AFMID: variants seen among roughly 807,000 people sequenced by gnomAD.
The protein encoded by AFMID is arylformamidase.
AFMID carries 39 observed loss-of-function variants against 47.5 expected under a neutral mutation model. That is an observed-to-expected ratio of 0.82 (90% CI 0.64 to 1.07). The LOEUF (loss-of-function observed/expected upper bound fraction) is 1.07. Ranked by LOEUF, AFMID falls within the 50% of genes least tolerant of loss-of-function variation. The pLI, the probability that AFMID is intolerant of heterozygous loss-of-function variation, is 0.00. For synonymous variants in AFMID, 130 were observed against 153.2 expected, an observed-to-expected ratio of 0.85 and a Z score of 1.12; for missense variants, 375 against 387.5, an observed-to-expected ratio of 0.97 and a Z score of 0.27.
chr17:78,206,607 A>G (rs1048167473), intron 10 of AFMID, among the ~76,000 whole-genome samples: 3 of 151,152 alleles, frequency 2.0e-5, no homozygotes, highest in African/African-American at 4.9e-5. Flanking sequence ...GGGTCTCTCT[A>G]TGTTCCCCAG....
rs964868028 is a variant in AFMID at position 78,204,746 on chromosome 17, TAGG to T, written c.394+8_394+10del. 2 of 1,613,880 alleles carry T rather than the reference TAGG, an allele frequency of 1.2e-6. No homozygotes were observed. The highest frequency in any genetic ancestry group is 1.7e-6 in the Non-Finnish European group (2 of 1,179,992). ...CTTACGGCATCGCCCCCAAAGGTAA[TAGG>T]AGTGGTTGCTGCAGGTCCGAGGGCC... On this transcript the variant is annotated splice_donor_region_variant and intron_variant, in intron 5 of 10. Coordinates refer to ENST00000409257, the MANE Select transcript of AFMID (RefSeq NM_001010982.5).
Position 78,204,864 on chromosome 17 carries a change from G to A in AFMID, c.431G>A (p.Ser144Asn). ...CACATGGTAGACCAGGTGACCCGCA[G>A]CGTTGCGTTTGTCCAGAAGCGGTAT... ...LDHMVDQVTR[S>N]VAFVQKRYPS... is the part of the protein sequence containing the mutation. Residue 144 changes from serine to asparagine, a missense_variant, in exon 6 of 11, where the codon AGC becomes AAC. Physicochemically the swap from Ser to Asn is conservative, Grantham distance 46. Transcript: ENST00000409257. The A allele has an allele frequency of 6.2e-7, 1 of 1,614,236 alleles. No individual in the cohort carries two copies.
At position 78,205,810 on chromosome 17, in the gene AFMID, C is replaced by T. The variant is rs1428388164; in HGVS notation, c.780+72C>T. The T allele has an allele frequency of 2.5e-6, 4 of 1,599,386 alleles. No homozygotes were observed. The Admixed American group carries it at 6.7e-5, about 27-fold the overall frequency. Reference sequence around the variant, plus strand: ...CTCATTATTTTCCTCTTTCTTTTACCCAAGTGGACAAGACCCTCCATCATT... The same window carrying T: ...CTCATTATTTTCCTCTTTCTTTTACTCAAGTGGACAAGACCCTCCATCATT... On this transcript the variant is annotated intron_variant, in intron 9 of 10. Transcript: ENST00000409257.
At chr17:78,194,413 G>T (rs16970909) in intron 2 of AFMID, among the ~76,000 whole-genome samples, 43,308 of 151,842 alleles carry the variant, frequency 0.29, 6,251 homozygotes, top group African/African-American at 0.31. Flanking sequence ...GCCACACTTT[G>T]CCTTCTTTGC....
intron 1 of AFMID, among the ~76,000 whole-genome samples, chr17:78,189,219 C>CTTTTTTTT (rs770863206): frequency 2.4e-5 from 3 of 122,750 alleles, no homozygotes; most frequent in Non-Finnish European, 3.3e-5. Context: ...TTCCTTGTTA[C>CTTTTTTTT]TTTTTTTTTT....
chr17:78,205,010 A>G, intron 6 of AFMID, 83 bp from the exon 7 acceptor site: 1 of 1,569,572 alleles, frequency 6.4e-7, no homozygotes, highest in Non-Finnish European at 8.7e-7. Flanking sequence ...TGGAGCAGAA[A>G]GCAAATTGGG....
At chr17:78,193,097 C>T (rs1382172834) in intron 2 of AFMID, among the ~76,000 whole-genome samples, 1 of 152,040 alleles carries the variant, frequency 6.6e-6, no homozygotes, top group Non-Finnish European at 1.5e-5. Context: ...AGCAGCCAGG[C>T]GTGGTGGCTC....
In AFMID at chr17:78,190,978, G is replaced by T. The variant is rs576783336; in HGVS notation, c.72G>T (p.Glu24Asp). The T allele has an allele frequency of 6.2e-7, 1 of 1,613,726 alleles. No homozygotes were observed. Among genetic ancestry groups the T allele is most frequent in the East Asian group, 2.2e-5 (1 of 44,880 alleles). ...PWKKMSAEEL[E>D]NQYCPSRWVV... ...ATGTTTGTGCCCTGCAGGAGCTGGA[G>T]AATCAGTACTGTCCCAGCCGATGGG... is the stretch of plus-strand genomic sequence containing the variant. Residue 24 changes from glutamate to aspartate, a missense_variant, in exon 2 of 11, where the codon GAG becomes GAT. Physicochemically the swap from Glu to Asp is conservative, Grantham distance 45 (BLOSUM62 2). Coordinates refer to ENST00000409257, the MANE Select transcript of AFMID (RefSeq NM_001010982.5).
chr17:78,193,585 G>A (rs187748655), intron 2 of AFMID, among the ~76,000 whole-genome samples: 37 of 151,286 alleles, frequency 2.4e-4, no homozygotes, highest in African/African-American at 8.7e-4. Context: ...TGTCACACAC[G>A]CCTGTAATCC....
intron 2 of AFMID, among the ~76,000 whole-genome samples, chr17:78,198,969 G>A (rs1332485557): frequency 6.6e-6 from 1 of 152,090 alleles, no homozygotes; most frequent in Admixed American, 6.6e-5. Context: ...CATCCAAATG[G>A]CCCCGTAGTA....
intron 2 of AFMID, among the ~76,000 whole-genome samples, chr17:78,200,365 G>A (rs984107191): frequency 1.3e-5 from 2 of 152,096 alleles, no homozygotes; most frequent in Non-Finnish European, 2.9e-5. Context: ...ATGTTGGCCG[G>A]GATGGTCTCA....
At chr17:78,206,308 C>T (rs1232052799) in intron 10 of AFMID, among the ~76,000 whole-genome samples, 2 of 136,294 alleles carry the variant, frequency 1.5e-5, no homozygotes, top group Admixed American at 8.1e-5. Flanking sequence ...CACTGCACTC[C>T]GGCCTGAGCG....
rs149096621 is a variant in AFMID at position 78,200,001 on chromosome 17, G to A, written c.155-2498G>A. Among the ~76,000 whole-genome samples, 33 of 151,610 alleles carry A rather than the reference G, an allele frequency of 2.2e-4. No homozygotes were observed. The East Asian group carries it at 6.4e-3, about 29-fold the overall frequency. On this transcript the variant is annotated intron_variant, in intron 2 of 10. Transcript: ENST00000409257. ...TTCTGAAAACTGTGTTATGTAAGAC[G>A]TTTAGCATCTGCAGTGCCAAATAAA...
intron 2 of AFMID, among the ~76,000 whole-genome samples, chr17:78,192,971 TG>T (rs911250166): frequency 6.6e-6 from 1 of 151,880 alleles, no homozygotes; most frequent in Non-Finnish European, 1.5e-5. Context: ...CTCAATAGAT[TG>T]GGGGGGAGCT....
chr17:78,206,338 C>CAAAA (rs60780262), intron 10 of AFMID, among the ~76,000 whole-genome samples: 1 of 104,028 alleles, frequency 9.6e-6, no homozygotes, highest in Non-Finnish European at 2.0e-5. Context: ...GACTCTGTCT[C>CAAAA]AAAAAAAAAA....
At chr17:78,206,688 CT>C (rs1485801646) in intron 10 of AFMID, among the ~76,000 whole-genome samples, 1 of 149,634 alleles carries the variant, frequency 6.7e-6, no homozygotes, top group African/African-American at 2.5e-5. Context: ...CCTCCTCCCC[CT>C]ACCCCCCCTT....
At chr17:78,190,766 C>A in intron 1 of AFMID, 1 of 526,706 alleles carries the variant, frequency 1.9e-6, no homozygotes, top group East Asian at 3.2e-5. Context: ...GGGACCTCAT[C>A]TCCCCTTAAG....
At chr17:78,190,738 T>C (rs2075943087) in intron 1 of AFMID, 1 of 484,360 alleles carries the variant, frequency 2.1e-6, no homozygotes, top group Non-Finnish European at 3.7e-6. Flanking sequence ...CATGATGGCA[T>C]TAACTGAATT....
chr17:78,187,752 G>A (rs776034970), intron 1 of AFMID, among the ~76,000 whole-genome samples: 6 of 152,018 alleles, frequency 3.9e-5, no homozygotes, highest in Non-Finnish European at 8.8e-5. Flanking sequence ...AGGAGTTCGA[G>A]ACCAGCCTGG....
Sources: allele counts gnomAD v4.1 joint callset (sites outside exome capture counted in the v4.1 genomes callset), GRCh38; gene constraint gnomAD v4.1.1; transcripts MANE v1.5; gene names NCBI Gene and HGNC (gene_info 2026-07-23, HGNC 2026-07-21).